The following SNX24 variants were observed in gnomAD, a reference collection of about 807,000 sequenced individuals.
SNX24 encodes sorting nexin 24, also known as sorting nexin-24.
Under a neutral mutation model 28.7 loss-of-function variants are expected in SNX24, and 22 were observed. The observed-to-expected ratio is 0.77, with a 90% CI of 0.55 to 1.10. The LOEUF is 1.10. Among genes scored for constraint, SNX24 ranks in the 50% least tolerant of loss-of-function variants. The pLI is 0.00. For synonymous variants in SNX24, 69 were observed against 71.5 expected (o/e 0.96, Z 0.18); for missense variants, 221 against 201.1 (o/e 1.10, Z -0.60).
At chr5:122,873,700 A>G (rs1034518072) in intron 1 of SNX24, among the ~76,000 whole-genome samples, 2 of 151,010 alleles carry the variant, frequency 1.3e-5, no homozygotes, top group Non-Finnish European at 2.9e-5. Context: ...AGGTGCCATC[A>G]CTTTCGGTAG....
rs558569313 is a variant in SNX24, at chr5:122,946,903, C to T, written c.249+744C>T. Reference sequence around the variant, plus strand: ...AGGGCAGGAGCTGGGGTGGGCAGGCCCTGAGGTCAGCCAGTACCATTCTGC... The same window carrying T: ...AGGGCAGGAGCTGGGGTGGGCAGGCTCTGAGGTCAGCCAGTACCATTCTGC... On this transcript the variant is annotated intron_variant, in intron 3 of 6. Transcript: ENST00000261369. Among the ~76,000 whole-genome samples, 20 of 152,218 alleles carry T rather than the reference C, an allele frequency of 1.3e-4. No individual in the cohort carries two copies. In the South Asian group the frequency reaches 4.1e-3, roughly 32 times the overall value.
chr5:123,021,824 G>T (rs1762767001), intron 5 of SNX24, among the ~76,000 whole-genome samples: 2 of 152,032 alleles, frequency 1.3e-5, no homozygotes, highest in Admixed American at 1.3e-4. Context: ...TAACACACTG[G>T]CTTTCTCTTC....
intron 5 of SNX24, among the ~76,000 whole-genome samples, chr5:123,014,365 A>AGAGACAGGGTTTCACCATGT (rs1202949830): frequency 0.021 from 1,007 of 47,324 alleles, 5 homozygotes; most frequent in Middle Eastern, 0.09. Flanking sequence ...TTTTTTTTGT[A>AGAGACAGGGTTTCACCATGT]GAGACAGGGT....
intron 1 of SNX24, among the ~76,000 whole-genome samples, chr5:122,924,665 T>C (rs1758600068): frequency 1.3e-5 from 2 of 152,188 alleles, no homozygotes; most frequent in African/African-American, 2.4e-5. Flanking sequence ...GAGCACCAGT[T>C]ATGTGCCAGG....
At chr5:122,956,322 T>G (rs1760207545) in intron 3 of SNX24, among the ~76,000 whole-genome samples, 1 of 145,884 alleles carries the variant, frequency 6.9e-6, no homozygotes, top group Non-Finnish European at 1.5e-5. Flanking sequence ...CTGCTGTAAT[T>G]TGTAAAAATA....
At chr5:123,027,849 A>G (rs987643045) in intron 5 of SNX24, among the ~76,000 whole-genome samples, 2 of 152,256 alleles carry the variant, frequency 1.3e-5, no homozygotes, top group African/African-American at 4.8e-5. Flanking sequence ...TATATGGTGT[A>G]TGTTCAAGAA....
chr5:123,009,047 T>C lies in SNX24; in HGVS notation c.*1298T>C. ...AGGTTTTAAGCCTGCTGCAAACTTT[T>C]AAAATATTATGATAGATTCTGTACT... On this transcript the variant is annotated 3_prime_UTR_variant, in exon 7 of 7. Coordinates refer to ENST00000261369, the MANE Select transcript of SNX24 (RefSeq NM_014035.4). The C allele has an allele frequency of 1.0e-6, 1 of 985,406 alleles. No individual in the cohort carries two copies. Among genetic ancestry groups the C allele is most frequent in the Non-Finnish European group, 1.2e-6 (1 of 829,478 alleles). The allele number at this position is 985,406 out of a possible 1,614,324, so 61.0% of individuals were successfully genotyped here.
intron 1 of SNX24, among the ~76,000 whole-genome samples, chr5:122,924,932 T>C (rs932088809): frequency 1.3e-5 from 2 of 151,986 alleles, no homozygotes; most frequent in African/African-American, 2.4e-5. Context: ...TAGTTTCTTA[T>C]TGATTAAAGG....
intron 1 of SNX24, among the ~76,000 whole-genome samples, chr5:122,865,513 T>C (rs897829298): frequency 6.6e-6 from 1 of 152,060 alleles, no homozygotes; most frequent in African/African-American, 2.4e-5. Context: ...GTATTTTTAG[T>C]AGAGTAGTAG....
At chr5:122,957,011 A>G (rs1017802056) in intron 3 of SNX24, among the ~76,000 whole-genome samples, 8 of 151,974 alleles carry the variant, frequency 5.3e-5, no homozygotes, top group Non-Finnish European at 1.5e-5. Context: ...GAAAATTTTA[A>G]ATTTTCATGA....
In SNX24 at chr5:122,958,720, T is replaced by A. The variant is rs537141847; in HGVS notation, c.249+12561T>A. Among the ~76,000 whole-genome samples the A allele has an allele frequency of 4.6e-4, 28 of 60,278 alleles. No individual in the cohort carries two copies. The East Asian group carries it at 0.078, about 168-fold the overall frequency. The allele number at this position is 60,278 out of a possible 152,430, so 39.5% of individuals were successfully genotyped here. On this transcript the variant is annotated intron_variant, in intron 3 of 6. Coordinates refer to ENST00000261369, the MANE Select transcript of SNX24 (RefSeq NM_014035.4). ...TATAGTCTTTTTATTTTTTAATTTT[T>A]AAATTTTTTTTGTATTTTTAGTAGA...
At chr5:123,015,674 C>A (rs944705513) in intron 5 of SNX24, among the ~76,000 whole-genome samples, 1 of 151,960 alleles carries the variant, frequency 6.6e-6, no homozygotes, top group Admixed American at 6.6e-5. Context: ...TCTGATGCAC[C>A]ATAAAGTTTG....
intron 1 of SNX24, among the ~76,000 whole-genome samples, chr5:122,851,914 A>G (rs1754936338): frequency 6.6e-6 from 1 of 152,068 alleles, no homozygotes; most frequent in Non-Finnish European, 1.5e-5. Context: ...TTTAAAAAGC[A>G]TAACCAAAAT....
At chr5:122,891,926 T>A (rs1382372347) in intron 1 of SNX24, among the ~76,000 whole-genome samples, 1 of 152,160 alleles carries the variant, frequency 6.6e-6, no homozygotes, top group African/African-American at 2.4e-5. Context: ...CTCATTGAAA[T>A]AGGAATGGTA....
intron 2 of SNX24, among the ~76,000 whole-genome samples, chr5:122,940,926 T>C (rs1189186834): frequency 6.6e-6 from 1 of 152,230 alleles, no homozygotes; most frequent in Non-Finnish European, 1.5e-5. Context: ...TAGAAGAGAA[T>C]CTGTTTCCTT....
chr5:122,999,980 C>T lies in SNX24; in HGVS notation c.318C>T (p.Pro106=), dbSNP rs775726421. ...ATTTCCTAAATGTGCGACACTTGCC[C>T]TCTCTACCAAAGGCAGAAAGTTGTG... ...FLDFLNVRHL[P]SLPKAESCGS... Residue 106 remains proline (P), a synonymous_variant, in exon 4 of 7, where the codon CCC becomes CCT. Coordinates refer to ENST00000261369, the MANE Select transcript of SNX24 (RefSeq NM_014035.4). 5 of 1,611,794 alleles carry T rather than the reference C, an allele frequency of 3.1e-6. No individual in the cohort carries two copies. Among genetic ancestry groups the T allele is most frequent in the Non-Finnish European group, 4.2e-6 (5 of 1,177,932 alleles).
intron 5 of SNX24, among the ~76,000 whole-genome samples, chr5:123,020,656 G>A (rs1327769882): frequency 6.6e-6 from 1 of 152,160 alleles, no homozygotes; most frequent in Non-Finnish European, 1.5e-5. Context: ...CAAGTCAAAG[G>A]AAATCAGTTT....
chr5:122,994,623 T>A (rs1761985839), intron 3 of SNX24, among the ~76,000 whole-genome samples: 1 of 152,224 alleles, frequency 6.6e-6, no homozygotes, highest in Non-Finnish European at 1.5e-5. Flanking sequence ...TAATTGTACC[T>A]TTTCAATAAA....
At chr5:122,899,514 TCCTCCCATCTTAG>T (rs1447403022) in intron 1 of SNX24, among the ~76,000 whole-genome samples, 3 of 152,172 alleles carry the variant, frequency 2.0e-5, no homozygotes, top group African/African-American at 7.2e-5. Flanking sequence ...GCTCCATCTG[TCCTCCCATCTTAG>T]CCTCCCAAAT....
Sources: gnomAD v4.1 joint callset for allele counts (sites outside exome capture counted in the v4.1 genomes callset) on GRCh38, gnomAD v4.1.1 for gene constraint, MANE v1.5 for transcripts, NCBI Gene and HGNC (gene_info 2026-07-23, HGNC 2026-07-21) for gene names.